ARHGAP10: variants seen among roughly 807,000 people sequenced by gnomAD.
The protein encoded by ARHGAP10 is rho GTPase-activating protein 10.
In ARHGAP10, 87 loss-of-function variants were observed where a neutral mutation model predicts 108.6. The observed-to-expected ratio is 0.80, with a 90% confidence interval of 0.67 to 0.96. ARHGAP10 has a LOEUF of 0.96. ARHGAP10 is among the 40% of genes least tolerant of loss of function. The pLI, the probability that ARHGAP10 is intolerant of heterozygous loss-of-function variation, is 0.00. For synonymous variants in ARHGAP10, 347 were observed against 341.1 expected, an observed-to-expected ratio of 1.02 and a Z score of -0.19; for missense variants, 939 against 954.5, an observed-to-expected ratio of 0.98 and a Z score of 0.21.
chr4:148,020,358 G>A (rs1052619353), intron 18 of ARHGAP10, among the ~76,000 whole-genome samples: 12 of 151,926 alleles, frequency 7.9e-5, no homozygotes, highest in African/African-American at 1.9e-4. Context: ...TTACATGAAC[G>A]TGTGGCATGC....
At chr4:147,920,180 G>T (rs573260091) in intron 13 of ARHGAP10, among the ~76,000 whole-genome samples, 88 of 151,996 alleles carry the variant, frequency 5.8e-4, no homozygotes, top group Non-Finnish European at 1.1e-3. Flanking sequence ...ACTTTGGGAG[G>T]TCGAGGTGGG....
At chr4:148,036,035 T>C (rs1728362148) in intron 19 of ARHGAP10, among the ~76,000 whole-genome samples, 1 of 151,832 alleles carries the variant, frequency 6.6e-6, no homozygotes, top group Admixed American at 6.6e-5. Context: ...CTATCTTTAC[T>C]ATTCTAATTT....
At chr4:147,994,270 A>C (rs1371533588) in intron 18 of ARHGAP10, among the ~76,000 whole-genome samples, 1 of 152,330 alleles carries the variant, frequency 6.6e-6, no homozygotes, top group African/African-American at 2.4e-5. Context: ...AATGTGTGGG[A>C]GTAAGAAAGG....
At chr4:147,839,138 ATCTATCTG>A (rs59513990) in intron 3 of ARHGAP10, among the ~76,000 whole-genome samples, 3,943 of 127,884 alleles carry the variant, frequency 0.031, 79 homozygotes, top group Non-Finnish European at 0.045. Context: ...CTATCTATCT[ATCTATCTG>A]TCTGTCTGTC....
Position 147,881,936 on chromosome 4 carries a change from A to G in ARHGAP10, c.1034+4A>G, listed in dbSNP as rs1735343042. The G allele has an allele frequency of 2.5e-6, 4 of 1,613,170 alleles. No individual in the cohort carries two copies. The highest frequency in any genetic ancestry group is 3.4e-6 in the Non-Finnish European group (4 of 1,179,570). On this transcript the variant is annotated splice_donor_region_variant and intron_variant, in intron 10 of 22. Coordinates refer to ENST00000336498, the MANE Select transcript of ARHGAP10 (RefSeq NM_024605.4). ...TTGACATAGAAGCTGCTGATCGGTAAGTTATTGGAATTATTGGACATGGTG... is the reference window on the plus strand; with the variant it reads ...TTGACATAGAAGCTGCTGATCGGTAGGTTATTGGAATTATTGGACATGGTG...
At chr4:147,759,046 T>C (rs528207188) in intron 1 of ARHGAP10, among the ~76,000 whole-genome samples, 18 of 151,716 alleles carry the variant, frequency 1.2e-4, no homozygotes, top group Admixed American at 2.6e-4. Context: ...TTTTCTTCAA[T>C]GCAAGGTTCA....
intron 1 of ARHGAP10, among the ~76,000 whole-genome samples, chr4:147,769,120 A>G (rs1255556840): frequency 2.0e-5 from 3 of 152,170 alleles, no homozygotes; most frequent in Admixed American, 6.5e-5. Context: ...TGCTCTCAGG[A>G]ACTGGATAAT....
At chr4:147,963,450 T>C (rs1271357217) in intron 16 of ARHGAP10, among the ~76,000 whole-genome samples, 1 of 152,196 alleles carries the variant, frequency 6.6e-6, no homozygotes, top group Non-Finnish European at 1.5e-5. Flanking sequence ...TAATTCTCTT[T>C]TGTCACTTCT....
rs2149691411 is a variant in ARHGAP10 at position 148,064,458 on chromosome 4, A to G, written c.2223A>G (p.Ala741=). The G allele has an allele frequency of 6.2e-7, 1 of 1,614,190 alleles. No homozygotes were observed. Among genetic ancestry groups the G allele is most frequent in the Non-Finnish European group, 8.5e-7 (1 of 1,180,040 alleles). The change falls in exon 22 of 23, where the codon GCA becomes GCG. Residue 741 remains alanine, a synonymous_variant. Transcript: ENST00000336498. The part of the protein sequence containing the change: ...RKARAVYPCE[A]EHSSELSFEI... ...CTCGAGCCGTGTATCCGTGTGAAGC[A>G]GAACACAGCTCGGAATTATCTTTTG...
At chr4:147,832,410 A>C (rs1396679918) in intron 3 of ARHGAP10, among the ~76,000 whole-genome samples, 2 of 150,866 alleles carry the variant, frequency 1.3e-5, no homozygotes, top group African/African-American at 2.4e-5. Flanking sequence ...GCACTTTGGG[A>C]GGCCGAGGTG....
At chr4:148,071,910 C>G in intron 22 of ARHGAP10, 83 bp from the exon 23 acceptor site, 1 of 1,209,616 alleles carries the variant, frequency 8.3e-7, no homozygotes, top group Non-Finnish European at 1.2e-6. Context: ...ACTGGCCACT[C>G]CCTGCTTGAG....
intron 1 of ARHGAP10, among the ~76,000 whole-genome samples, chr4:147,791,556 G>GCGCGCGTGTA (rs1731126439): frequency 2.6e-5 from 4 of 151,736 alleles, no homozygotes; most frequent in African/African-American, 9.7e-5. Flanking sequence ...GTGCGCGCGT[G>GCGCGCGTGTA]TATATATATA....
intron 18 of ARHGAP10, among the ~76,000 whole-genome samples, chr4:147,978,438 C>T (rs1403345291): frequency 6.6e-6 from 1 of 152,054 alleles, no homozygotes; most frequent in East Asian, 1.9e-4. Context: ...TTGTAATTCC[C>T]AGTGTTGAGG....
chr4:147,976,174 C>G (rs1420741776), intron 18 of ARHGAP10, among the ~76,000 whole-genome samples: 1 of 152,194 alleles, frequency 6.6e-6, no homozygotes, highest in Non-Finnish European at 1.5e-5. Flanking sequence ...CATTTTCCAT[C>G]AAGTGCAAGA....
At chr4:147,802,888 T>C (rs1731638119) in intron 1 of ARHGAP10, among the ~76,000 whole-genome samples, 1 of 152,222 alleles carries the variant, frequency 6.6e-6, no homozygotes, top group African/African-American at 2.4e-5. Flanking sequence ...TGAAACATGG[T>C]GCCCCCAAAG....
At chr4:147,775,383 G>C (rs1028641368) in intron 1 of ARHGAP10, among the ~76,000 whole-genome samples, 3 of 152,238 alleles carry the variant, frequency 2.0e-5, no homozygotes, top group African/African-American at 4.8e-5. Context: ...GTCTGCATGA[G>C]CAGAGCTGTG....
intron 12 of ARHGAP10, among the ~76,000 whole-genome samples, chr4:147,912,436 G>C (rs552040672): frequency 6.6e-6 from 1 of 151,308 alleles, no homozygotes; most frequent in East Asian, 1.9e-4. Context: ...AGCTACCTGG[G>C]AGGCTGAGGT....
chr4:147,811,805 A>C (rs59346541), intron 1 of ARHGAP10, among the ~76,000 whole-genome samples: 1,782 of 152,322 alleles, frequency 0.012, 30 homozygotes, highest in African/African-American at 0.04. Context: ...TCCGATATAA[A>C]GATGGTGATT....
At position 147,756,883 on chromosome 4, in the gene ARHGAP10, GT is replaced by G. The variant is rs766069125; in HGVS notation, c.154+24441del. ...ATACAACACAGAAGGTTGTGTAATT[GT>G]TTTTTTTTTTTTCATCAGATTATAA... On this transcript the variant is annotated intron_variant, in intron 1 of 22. Coordinates refer to ENST00000336498, the MANE Select transcript of ARHGAP10 (RefSeq NM_024605.4). Among the ~76,000 whole-genome samples, 698 of 142,330 alleles carry G rather than the reference GT, an allele frequency of 4.9e-3. 6 individuals are homozygous for G. Among genetic ancestry groups the G allele is most frequent in the African/African-American group, 0.015 (593 of 39,176 alleles). 93.4% of individuals were successfully genotyped at this position (142,330 alleles called of 152,430 possible).
Sources: gnomAD v4.1 joint callset for allele counts (sites outside exome capture counted in the v4.1 genomes callset) on GRCh38, gnomAD v4.1.1 for gene constraint, MANE v1.5 for transcripts, NCBI Gene and HGNC (gene_info 2026-07-23, HGNC 2026-07-21) for gene names.